PGM1: variants seen among roughly 807,000 people sequenced by gnomAD.
PGM1 encodes the protein phosphoglucomutase 1, also known as phosphoglucomutase-1.
Under a neutral mutation model 55.6 loss-of-function variants are expected in PGM1, and 52 were observed. That is an observed-to-expected ratio of 0.94 (90% CI 0.75 to 1.18). The LOEUF is 1.18. Among genes scored for constraint, PGM1 ranks in the 50% most tolerant of loss-of-function variants. The pLI, the probability that PGM1 is intolerant of heterozygous loss-of-function variation, is 0.00. For missense variants in PGM1, 724 were observed against 729.3 expected (o/e 0.99, Z 0.08); for synonymous variants, 287 against 271.7 (o/e 1.06, Z -0.55).
chr1:63,604,743 A>G (rs1280575701), intron 1 of PGM1, among the ~76,000 whole-genome samples: 1 of 152,104 alleles, frequency 6.6e-6, no homozygotes, highest in African/African-American at 2.4e-5. Context: ...ACTCCTTTCC[A>G]GTGGAGGCAC....
intron 1 of PGM1, among the ~76,000 whole-genome samples, chr1:63,608,667 T>C (rs549374615): frequency 3.3e-5 from 5 of 152,256 alleles, no homozygotes; most frequent in Admixed American, 3.3e-4. Flanking sequence ...GATTTTGAAA[T>C]GAAGCAAAAG....
intron 1 of PGM1, among the ~76,000 whole-genome samples, chr1:63,596,110 A>G (rs374006377): frequency 2.0e-5 from 3 of 152,124 alleles, no homozygotes; most frequent in Admixed American, 6.5e-5. Flanking sequence ...GGCAGTGCTG[A>G]TTTTGTACTC....
intron 1 of PGM1, among the ~76,000 whole-genome samples, chr1:63,620,345 G>A (rs1201809701): frequency 6.6e-6 from 1 of 152,166 alleles, no homozygotes; most frequent in East Asian, 1.9e-4. Flanking sequence ...TCTGGAACAG[G>A]CACCTGCAGC....
At position 63,593,731 on chromosome 1, in the gene PGM1, C is replaced by T. The variant is rs189511619; in HGVS notation, c.243C>T (p.Asn81=). The change falls in exon 1 of 11, where the codon AAC becomes AAT. Residue 81 remains asparagine (N), a synonymous_variant. Coordinates refer to ENST00000371084, the MANE Select transcript of PGM1 (RefSeq NM_002633.3). The stretch of plus-strand genomic sequence containing the variant: ...TCATCGCTCGCATCGCTGCCGCCAA[C>T]GGGGTAAGGGATGCGCGGCCCCGCG... ...IQLIARIAAA[N]GIGRLVIGQN... 19 of 1,594,490 alleles carry T rather than the reference C, an allele frequency of 1.2e-5. 1 individual carries two copies. The highest frequency in any genetic ancestry group is 6.8e-5 in the Admixed American group (4 of 58,546).
chr1:63,647,275 T>A (rs1439249749), intron 7 of PGM1, among the ~76,000 whole-genome samples: 2 of 46,314 alleles, frequency 4.3e-5, no homozygotes, highest in Non-Finnish European at 7.5e-5. Flanking sequence ...TATATATATA[T>A]ATATATATAT....
intron 10 of PGM1, among the ~76,000 whole-genome samples, chr1:63,655,490 C>T (rs1649937857): frequency 6.6e-6 from 1 of 152,098 alleles, no homozygotes; most frequent in Admixed American, 6.5e-5. Flanking sequence ...GCCATTCCCC[C>T]AAAAGTCTTC....
At chr1:63,648,376 C>G (rs1649709313) in intron 7 of PGM1, 141 bp from the exon 8 acceptor site, 1 of 865,612 alleles carries the variant, frequency 1.2e-6, no homozygotes, top group East Asian at 2.6e-5. Flanking sequence ...AACTTTGTCC[C>G]CCATGATCCA....
At chr1:63,627,911 C>A (rs544305947) in intron 1 of PGM1, among the ~76,000 whole-genome samples, 2 of 152,200 alleles carry the variant, frequency 1.3e-5, no homozygotes, top group East Asian at 1.9e-4. Context: ...TGAGTCAGGA[C>A]GTTTCAATAC....
intron 1 of PGM1, among the ~76,000 whole-genome samples, chr1:63,614,779 T>C (rs1018565146): frequency 6.6e-6 from 1 of 152,174 alleles, no homozygotes; most frequent in African/African-American, 2.4e-5. Flanking sequence ...TCCTTATCCC[T>C]AGGATAAGGG....
At chr1:63,648,437 A>G in intron 7 of PGM1, 80 bp from the exon 8 acceptor site, 1 of 1,543,776 alleles carries the variant, frequency 6.5e-7, no homozygotes, top group South Asian at 1.1e-5. Flanking sequence ...GTGGGGATGC[A>G]GAGCCAAACC....
chr1:63,609,951 A>G (rs570725528), intron 1 of PGM1, among the ~76,000 whole-genome samples: 2 of 152,224 alleles, frequency 1.3e-5, no homozygotes, highest in Admixed American at 6.5e-5. Context: ...TGGGTTCCAA[A>G]TGGAAGTCAG....
intron 1 of PGM1, among the ~76,000 whole-genome samples, chr1:63,598,817 A>G (rs1648152959): frequency 6.6e-6 from 1 of 152,206 alleles, no homozygotes; most frequent in Non-Finnish European, 1.5e-5. Flanking sequence ...TGCCTGCACC[A>G]AAATGGACCT....
chr1:63,659,963 A>G lies in PGM1; in HGVS notation c.*288A>G. The G allele has an allele frequency of 7.6e-6, 4 of 528,768 alleles. No individual in the cohort carries two copies. The highest frequency in any genetic ancestry group is 6.9e-6 in the Non-Finnish European group (2 of 290,188). The allele number at this position is 528,768 out of a possible 1,614,324, so 32.8% of individuals were successfully genotyped here. A position where few individuals can be genotyped will look rare whatever the true frequency, so the allele number is the denominator to read the frequency against. On this transcript the variant is annotated 3_prime_UTR_variant, in exon 11 of 11. Transcript: ENST00000371084. ...TCCTTAGCCATCAGGTACAGTTTAC[A>G]CTACAATGTAAGCTATAGGTGGAGC...
chr1:63,659,090 A>C (rs1650042529), intron 10 of PGM1, among the ~76,000 whole-genome samples: 1 of 152,204 alleles, frequency 6.6e-6, no homozygotes, highest in Non-Finnish European at 1.5e-5. Flanking sequence ...CTTGGGAATT[A>C]TGGGAGCTAC....
rs1650070067 is a variant in PGM1 at position 63,659,785 on chromosome 1, C to T, written c.*110C>T. 2 of 821,926 alleles carry T rather than the reference C, an allele frequency of 2.4e-6. No individual in the cohort carries two copies. The highest frequency in any genetic ancestry group is 4.2e-6 in the Non-Finnish European group (2 of 477,814). 50.9% of individuals were successfully genotyped at this position (821,926 alleles called of 1,614,324 possible). Reference sequence around the variant, plus strand: ...ATTCACCAAGCATTTTAGGATTTGACTTTTTCACTAACCAGTTGACGAGCA... The same window carrying T: ...ATTCACCAAGCATTTTAGGATTTGATTTTTTCACTAACCAGTTGACGAGCA... On this transcript the variant is annotated 3_prime_UTR_variant, in exon 11 of 11. Coordinates refer to ENST00000371084, the MANE Select transcript of PGM1 (RefSeq NM_002633.3).
chr1:63,630,202 G>C, intron 3 of PGM1, 114 bp downstream of exon 3: 1 of 1,077,830 alleles, frequency 9.3e-7, no homozygotes, highest in Non-Finnish European at 1.4e-6. Context: ...TGAGTGCTCT[G>C]TAAGCTTTGC....
At chr1:63,604,302 G>A (rs910320541) in intron 1 of PGM1, among the ~76,000 whole-genome samples, 2 of 152,182 alleles carry the variant, frequency 1.3e-5, no homozygotes, top group African/African-American at 4.8e-5. Flanking sequence ...AATATTGTGG[G>A]TCAGCAGGCC....
intron 1 of PGM1, among the ~76,000 whole-genome samples, chr1:63,597,538 C>G (rs1429820961): frequency 1.3e-5 from 2 of 152,202 alleles, no homozygotes; most frequent in African/African-American, 4.8e-5. Flanking sequence ...CTCTAATCCT[C>G]AACAGCCTCA....
chr1:63,651,362 T>C, intron 8 of PGM1: 2 of 347,494 alleles, frequency 5.8e-6, no homozygotes, highest in South Asian at 2.7e-5. Flanking sequence ...GGTGACTAAA[T>C]GTTAGATAGC....
Sources: gnomAD v4.1 joint callset for allele counts (sites outside exome capture counted in the v4.1 genomes callset) on GRCh38, gnomAD v4.1.1 for gene constraint, MANE v1.5 for transcripts, NCBI Gene and HGNC (gene_info 2026-07-23, HGNC 2026-07-21) for gene names.